Variants in TAS2R1 observed in about 807,000 individuals in gnomAD.
The protein encoded by TAS2R1 is taste receptor type 2 member 1.
For missense variants in TAS2R1, 370 were observed against 353.4 expected, an observed-to-expected ratio of 1.05 and a Z score of -0.38; for synonymous variants, 141 against 134.2, an observed-to-expected ratio of 1.05 and a Z score of -0.35.
At chr5:9,792,768 C>T in the TAS2R1 span, among the ~76,000 whole-genome samples, 223 of 152,234 alleles carry the variant, frequency 1.5e-3, no homozygotes, top group African/African-American at 5.2e-3. Context: ...TTTACTTCTA[C>T]TTTGGGATAT....
At chr5:9,782,109 A>T in the TAS2R1 span, among the ~76,000 whole-genome samples, 2 of 152,208 alleles carry the variant, frequency 1.3e-5, no homozygotes, top group Non-Finnish European at 2.9e-5. Context: ...TCACTTGAAC[A>T]TTACAGTGGA....
chr5:9,673,631 A>G (rs1359263257), intron 1 of TAS2R1, among the ~76,000 whole-genome samples: 2 of 151,880 alleles, frequency 1.3e-5, no homozygotes, highest in Non-Finnish European at 2.9e-5. Context: ...TTCTTAGCCA[A>G]TAAGAGAAGC....
the TAS2R1 span, among the ~76,000 whole-genome samples, chr5:9,891,045 A>G: frequency 6.6e-6 from 1 of 152,222 alleles, no homozygotes; most frequent in Non-Finnish European, 1.5e-5. Flanking sequence ...TTCAAACCTA[A>G]TAACATGAAG....
chr5:9,804,593 C>A, the TAS2R1 span, among the ~76,000 whole-genome samples: 1 of 151,956 alleles, frequency 6.6e-6, no homozygotes, highest in African/African-American at 2.4e-5. Flanking sequence ...CGAAAGAAAC[C>A]CTCGAAACCA....
chr5:9,815,436 G>A, the TAS2R1 span, among the ~76,000 whole-genome samples: 1 of 152,138 alleles, frequency 6.6e-6, no homozygotes, highest in Non-Finnish European at 1.5e-5. Flanking sequence ...GATGATAGAT[G>A]ATAGATAGAT....
At chr5:9,827,872 T>C in the TAS2R1 span, among the ~76,000 whole-genome samples, 23 of 152,334 alleles carry the variant, frequency 1.5e-4, no homozygotes, top group African/African-American at 5.3e-4. Flanking sequence ...CACAATAAAA[T>C]CCAAGTTTAT....
chr5:9,630,098 G>T lies in TAS2R1; in HGVS notation c.-66C>A, dbSNP rs1275884594. 1.5e-6 allele frequency: 2 copies of T among 1,345,994 alleles called. No individual in the cohort carries two copies. The highest frequency in any genetic ancestry group is 1.6e-5 in the South Asian group (1 of 62,354). The allele number at this position is 1,345,994 out of a possible 1,614,324, so 83.4% of individuals were successfully genotyped here. The stretch of plus-strand genomic sequence containing the variant: ...TATAAAGTTTTGGACAGGTTGGGTT[G>T]TTCACGCTCTTCAATTAGATCAGGA... On this transcript the variant is annotated 5_prime_UTR_variant, in exon 1 of 1. Coordinates refer to ENST00000382492, the MANE Select transcript of TAS2R1 (RefSeq NM_019599.3).
the TAS2R1 span, among the ~76,000 whole-genome samples, chr5:9,810,175 T>C: frequency 6.6e-6 from 1 of 152,224 alleles, no homozygotes; most frequent in Admixed American, 6.5e-5. Context: ...CAGACCCCAA[T>C]CTGTCTTTTG....
chr5:9,890,731 CT>C, the TAS2R1 span, among the ~76,000 whole-genome samples: 1 of 152,096 alleles, frequency 6.6e-6, no homozygotes, highest in Admixed American at 6.5e-5. Flanking sequence ...TATTTGTTTC[CT>C]TTTGTCAATT....
At chr5:9,865,976 C>T in the TAS2R1 span, among the ~76,000 whole-genome samples, 2 of 152,178 alleles carry the variant, frequency 1.3e-5, no homozygotes, top group East Asian at 3.9e-4. Context: ...GATTATGTTT[C>T]TGTTCATTTT....
chr5:9,779,535 C>T, the TAS2R1 span, among the ~76,000 whole-genome samples: 3,325 of 152,220 alleles, frequency 0.022, 43 homozygotes, highest in Non-Finnish European at 0.033. Context: ...TATTCTGTAT[C>T]ATGTAATAGG....
the TAS2R1 span, among the ~76,000 whole-genome samples, chr5:9,730,300 C>T: frequency 6.6e-6 from 1 of 152,304 alleles, no homozygotes; most frequent in East Asian, 1.9e-4. Context: ...CCTTAGACCT[C>T]ACAGTGAACT....
upstream of TAS2R1, among the ~76,000 whole-genome samples, chr5:9,635,254 A>G (rs1231520463): frequency 6.6e-6 from 1 of 152,100 alleles, no homozygotes; most frequent in Non-Finnish European, 1.5e-5. Context: ...ACATGTATTG[A>G]CTTGTATATG....
chr5:9,638,933 C>A (rs964801134), intron 2 of TAS2R1, among the ~76,000 whole-genome samples: 2 of 152,164 alleles, frequency 1.3e-5, no homozygotes, highest in African/African-American at 4.8e-5. Flanking sequence ...CCTGACCCAG[C>A]TCCCACACAG....
the TAS2R1 span, chr5:9,883,421 A>C: frequency 6.6e-6 from 1 of 152,398 alleles, no homozygotes; most frequent in African/African-American, 2.4e-5. Context: ...TCAGGTTAGA[A>C]GTCGAAGGGA....
At chr5:9,803,737 A>G in the TAS2R1 span, among the ~76,000 whole-genome samples, 1 of 152,212 alleles carries the variant, frequency 6.6e-6, no homozygotes, top group Non-Finnish European at 1.5e-5. Context: ...GAATTGCTAC[A>G]AGGAGCTCTA....
intron 1 of TAS2R1, among the ~76,000 whole-genome samples, chr5:9,704,614 C>T (rs555788467): frequency 1.3e-5 from 2 of 152,216 alleles, no homozygotes; most frequent in South Asian, 4.1e-4. Context: ...GGACAGATGA[C>T]ATGAAAAATT....
At chr5:9,830,273 A>C in the TAS2R1 span, among the ~76,000 whole-genome samples, 1 of 152,198 alleles carries the variant, frequency 6.6e-6, no homozygotes, top group Admixed American at 6.5e-5. Context: ...AGATAGTTAG[A>C]TATAGACAGA....
chr5:9,831,273 G>C, the TAS2R1 span, among the ~76,000 whole-genome samples: 6 of 152,064 alleles, frequency 3.9e-5, no homozygotes, highest in African/African-American at 1.4e-4. Flanking sequence ...CTCAGCAGTA[G>C]TATTATATCA....
Sources: allele counts gnomAD v4.1 joint callset (sites outside exome capture counted in the v4.1 genomes callset), GRCh38; gene constraint gnomAD v4.1.1; transcripts MANE v1.5; gene names NCBI Gene and HGNC (gene_info 2026-07-23, HGNC 2026-07-21).